SEC24B: variants seen among roughly 807,000 people sequenced by gnomAD.
The protein encoded by SEC24B is SEC24 homolog B, COPII component.
Under a neutral mutation model 142.8 loss-of-function variants are expected in SEC24B, and 45 were observed. The observed-to-expected ratio is 0.32, with a 90% confidence interval of 0.25 to 0.40. The LOEUF (loss-of-function observed/expected upper bound fraction) is 0.40, where lower values mean the gene tolerates loss of function less well. Ranked by LOEUF, SEC24B falls within the 10% of genes least tolerant of loss-of-function variation. SEC24B has a pLI of 1.00. For missense variants in SEC24B, 1,409 were observed against 1,526.8 expected (o/e 0.92, Z 1.29); for synonymous variants, 574 against 568.2 (o/e 1.01, Z -0.15).
At chr4:109,436,516 C>A (rs566029535) in intron 1 of SEC24B, among the ~76,000 whole-genome samples, 1 of 152,188 alleles carries the variant, frequency 6.6e-6, no homozygotes, top group African/African-American at 2.4e-5. Flanking sequence ...ATATGAAATA[C>A]GTTTGGCCTT....
At chr4:109,482,967 TATATATATATATAC>T (rs1733900903) in intron 4 of SEC24B, among the ~76,000 whole-genome samples, 1 of 59,908 alleles carries the variant, frequency 1.7e-5, no homozygotes, top group South Asian at 4.6e-4. Flanking sequence ...TATATATATA[TATATATATATATAC>T]ACACACACAC....
chr4:109,453,955 T>G lies in SEC24B; in HGVS notation c.134-8946T>G, dbSNP rs1286173776. Among the ~76,000 whole-genome samples the G allele has an allele frequency of 2.0e-5, 3 of 152,106 alleles. No individual in the cohort carries two copies. In the East Asian group the frequency reaches 5.8e-4, roughly 30 times the overall value. On this transcript the variant is annotated intron_variant, in intron 1 of 23. Coordinates refer to ENST00000265175, the MANE Select transcript of SEC24B (RefSeq NM_006323.5). Reference sequence around the variant, plus strand: ...TCACTGCAACCTCCACCTCCTGGGTTCAAGTGATTCTCCTGCCTCAGCCTC... The same window carrying G: ...TCACTGCAACCTCCACCTCCTGGGTGCAAGTGATTCTCCTGCCTCAGCCTC...
intron 22 of SEC24B, among the ~76,000 whole-genome samples, chr4:109,536,778 C>T (rs1466689859): frequency 6.6e-6 from 1 of 151,988 alleles, no homozygotes; most frequent in African/African-American, 2.4e-5. Flanking sequence ...ATCCCCCCAC[C>T]TCGGCCTCCC....
chr4:109,483,459 TC>T (rs1734027079), intron 4 of SEC24B, among the ~76,000 whole-genome samples: 1 of 152,134 alleles, frequency 6.6e-6, no homozygotes. Flanking sequence ...TGTGGAATTT[TC>T]CACTTGTGGT....
chr4:109,485,936 G>T (rs1734304481), intron 4 of SEC24B, among the ~76,000 whole-genome samples: 1 of 152,214 alleles, frequency 6.6e-6, no homozygotes, highest in African/African-American at 2.4e-5. Context: ...GCAGGGTGGA[G>T]AATCAGAAGT....
At chr4:109,512,353 A>G (rs896456059) in intron 9 of SEC24B, among the ~76,000 whole-genome samples, 1 of 152,176 alleles carries the variant, frequency 6.6e-6, no homozygotes, top group Non-Finnish European at 1.5e-5. Context: ...CAGACTAGTT[A>G]TGCTTGTCCC....
intron 14 of SEC24B, 62 bp downstream of exon 14, chr4:109,521,688 C>T: frequency 1.7e-6 from 2 of 1,210,572 alleles, no homozygotes; most frequent in Middle Eastern, 2.8e-4. Flanking sequence ...TATTCTATTT[C>T]ATTAATAATA....
chr4:109,456,273 A>T (rs1308071913), intron 1 of SEC24B, among the ~76,000 whole-genome samples: 1 of 149,706 alleles, frequency 6.7e-6, no homozygotes, highest in Non-Finnish European at 1.5e-5. Flanking sequence ...ATTTTTTGGA[A>T]GATTTTTTTG....
At position 109,526,380 on chromosome 4, in the gene SEC24B, A is replaced by G. The variant is rs369170038; in HGVS notation, c.2946A>G (p.Leu982=). 47 of 1,610,390 alleles carry G rather than the reference A, an allele frequency of 2.9e-5. No homozygotes were observed. The highest frequency in any genetic ancestry group is 3.5e-5 in the Non-Finnish European group (41 of 1,177,986). The stretch of plus-strand genomic sequence containing the variant: ...CCTTAGTATGTTTTCAAACAGCCCT[A>G]TTATATACATCAAGCAAAGGTAATG... ...DTSLVCFQTA[L]LYTSSKGERR... The change falls in exon 17 of 24, where the codon CTA becomes CTG. Residue 982 remains leucine (L), a synonymous_variant. Coordinates refer to ENST00000265175, the MANE Select transcript of SEC24B (RefSeq NM_006323.5).
intron 19 of SEC24B, 90 bp from the exon 20 acceptor site, chr4:109,531,295 C>A (rs751950483): frequency 7.2e-6 from 8 of 1,115,482 alleles, no homozygotes; most frequent in Admixed American, 2.2e-5. Context: ...AAAGGCCATG[C>A]TTTTTCCATG....
intron 1 of SEC24B, among the ~76,000 whole-genome samples, chr4:109,453,222 A>G (rs1019884779): frequency 6.6e-6 from 1 of 152,306 alleles, no homozygotes; most frequent in Admixed American, 6.5e-5. Context: ...TCAGGGCAAA[A>G]CTAGAATCAC....
intron 1 of SEC24B, among the ~76,000 whole-genome samples, chr4:109,434,441 C>T (rs1309745231): frequency 6.6e-6 from 1 of 152,192 alleles, no homozygotes; most frequent in Non-Finnish European, 1.5e-5. Flanking sequence ...GTGCGTGGTC[C>T]GGAGAAGGCT....
At position 109,494,756 on chromosome 4, in the gene SEC24B, A is replaced by G; in HGVS notation, c.1388A>G (p.Tyr463Cys). The change falls in exon 6 of 24, where the codon TAT becomes TGT. Residue 463 changes from tyrosine (Y) to cysteine (C), a missense_variant. By Grantham distance (194) the Tyr-to-Cys change is radical. Transcript: ENST00000265175. ...SKMAKPFGYG[Y>C]PTLQPGYQNA... Reference sequence around the variant, plus strand: ...ATGGCTAAGCCTTTTGGCTATGGCTATCCAACACTTCAGCCTGGTTATCAG... The same window carrying G: ...ATGGCTAAGCCTTTTGGCTATGGCTGTCCAACACTTCAGCCTGGTTATCAG... 1 of 1,614,220 alleles carries G rather than the reference A, an allele frequency of 6.2e-7. No individual in the cohort carries two copies. Among genetic ancestry groups the G allele is most frequent in the East Asian group, 2.2e-5 (1 of 44,882 alleles).
chr4:109,482,953 TATATATATATATATATATATATATATAC>T, intron 4 of SEC24B, among the ~76,000 whole-genome samples: 1 of 50,934 alleles, frequency 2.0e-5, no homozygotes, highest in Non-Finnish European at 3.4e-5. Context: ...TATATATATA[TATATATATATATATATATATATATATAC>T]ACACACACAC....
intron 6 of SEC24B, among the ~76,000 whole-genome samples, chr4:109,495,176 G>A (rs954262388): frequency 6.6e-6 from 1 of 152,108 alleles, no homozygotes; most frequent in Non-Finnish European, 1.5e-5. Flanking sequence ...GAAAATTTAA[G>A]TAAATGTTAA....
At position 109,476,299 on chromosome 4, in the gene SEC24B, TTTA is replaced by T. The variant is rs566400048; in HGVS notation, c.1060+3116_1060+3118del. On this transcript the variant is annotated intron_variant, in intron 3 of 23. Coordinates refer to ENST00000265175, the MANE Select transcript of SEC24B (RefSeq NM_006323.5). Reference sequence around the variant, plus strand: ...TTGTGCCTGGCCAATCACTACAGCTTTTATTGTTGGTATAAAATTGGTCAAAAC... The same window carrying T: ...TTGTGCCTGGCCAATCACTACAGCTTTTGTTGGTATAAAATTGGTCAAAAC... 9.9e-4 allele frequency among the ~76,000 whole-genome samples: 150 copies of T among 152,242 alleles called. 1 individual carries two copies. The highest frequency in any genetic ancestry group is 3.4e-3 in the African/African-American group (141 of 41,548).
At chr4:109,485,125 T>C (rs543188291) in intron 4 of SEC24B, among the ~76,000 whole-genome samples, 214 of 152,304 alleles carry the variant, frequency 1.4e-3, no homozygotes, top group Middle Eastern at 6.8e-3. Context: ...TTACATATAG[T>C]TGTTTTAAGG....
intron 1 of SEC24B, among the ~76,000 whole-genome samples, chr4:109,454,466 A>T (rs1225028471): frequency 6.6e-6 from 1 of 151,600 alleles, no homozygotes; most frequent in Non-Finnish European, 1.5e-5. Context: ...TTGAACCCTC[A>T]GGTGGAGATT....
rs550949825 is a variant in SEC24B at position 109,463,083 on chromosome 4, A to G, written c.316A>G (p.Thr106Ala). 16 of 1,614,176 alleles carry G rather than the reference A, an allele frequency of 9.9e-6. No homozygotes were observed. The African/African-American group carries it at 1.7e-4, about 17-fold the overall frequency. ...ACCAACACAAAATGTGACTCCTAACACAGTGAACCAGCAACCAGGAGCACA... is the reference window on the plus strand; with the variant it reads ...ACCAACACAAAATGTGACTCCTAACGCAGTGAACCAGCAACCAGGAGCACA... ...TVPTQNVTPN[T>A]VNQQPGAQQL... Residue 106 changes from threonine (T) to alanine (A), a missense_variant, in exon 2 of 24, where the codon ACA becomes GCA. By Grantham distance (58) the Thr-to-Ala change is moderately conservative. Around this residue, in one of 2 missense-constraint regions of SEC24B, gnomAD observed 709 missense variants for 673.5 expected, o/e 1.05. Coordinates refer to ENST00000265175, the MANE Select transcript of SEC24B (RefSeq NM_006323.5).
Sources: gnomAD v4.1 joint callset for allele counts (sites outside exome capture counted in the v4.1 genomes callset) on GRCh38, gnomAD v4.1.1 for gene constraint, gnomAD v4.1.1 regional missense constraint, MANE v1.5 for transcripts, NCBI Gene and HGNC (gene_info 2026-07-23, HGNC 2026-07-21) for gene names.